CSMD1: variants seen among roughly 807,000 people sequenced by gnomAD.
CSMD1 encodes CUB and sushi domain-containing protein 1.
In CSMD1, 213 loss-of-function variants were observed where a neutral mutation model predicts 417.5. The ratio of observed to expected loss-of-function variants is 0.51; its 90% CI spans 0.46 to 0.57. The LOEUF (loss-of-function observed/expected upper bound fraction) is 0.57, where lower values mean the gene tolerates loss of function less well. Among genes scored for constraint, CSMD1 ranks in the 20% least tolerant of loss-of-function variants. CSMD1 has a pLI of 0.00. For synonymous variants in CSMD1, 2,862 were observed against 1,736.8 expected (o/e 1.65, Z -16.11); for missense variants, 6,923 against 4,529.7 (o/e 1.53, Z -15.17).
intron 2 of CSMD1, among the ~76,000 whole-genome samples, chr8:4,432,126 T>C (rs1340158982): frequency 2.6e-5 from 4 of 152,184 alleles, no homozygotes; most frequent in Non-Finnish European, 4.4e-5. Flanking sequence ...TTATATAAAA[T>C]AAATCCTTGC....
chr8:4,409,783 C>T (rs994824813), intron 3 of CSMD1, among the ~76,000 whole-genome samples: 1 of 151,708 alleles, frequency 6.6e-6, no homozygotes, highest in Non-Finnish European at 1.5e-5. Flanking sequence ...TAATATCATA[C>T]ATAATTTGGA....
At chr8:4,234,922 T>C (rs567831093) in intron 3 of CSMD1, among the ~76,000 whole-genome samples, 8 of 152,312 alleles carry the variant, frequency 5.3e-5, no homozygotes, top group South Asian at 2.1e-4. Flanking sequence ...TGTTGTCTGT[T>C]GTAACTGATG....
At chr8:4,412,926 G>C (rs1334416877) in intron 3 of CSMD1, among the ~76,000 whole-genome samples, 1 of 151,760 alleles carries the variant, frequency 6.6e-6, no homozygotes, top group Non-Finnish European at 1.5e-5. Context: ...TAAAAGAAAA[G>C]TTGACGCCTC....
intron 2 of CSMD1, among the ~76,000 whole-genome samples, chr8:4,524,979 A>AT (rs1333543093): frequency 2.6e-5 from 4 of 151,950 alleles, no homozygotes; most frequent in Admixed American, 6.6e-5. Context: ...CTTGCCACGT[A>AT]TTTTTTTTAC....
intron 27 of CSMD1, among the ~76,000 whole-genome samples, chr8:3,224,793 G>C (rs76596942): frequency 6.6e-6 from 1 of 152,182 alleles, no homozygotes; most frequent in East Asian, 1.9e-4. Context: ...AAGTATTTAG[G>C]ATTGTTTTAT....
chr8:4,213,832 T>G (rs1755123474), intron 3 of CSMD1, among the ~76,000 whole-genome samples: 1 of 152,122 alleles, frequency 6.6e-6, no homozygotes, highest in Non-Finnish European at 1.5e-5. Flanking sequence ...AAAGAGACAG[T>G]TATTGAACCC....
intron 3 of CSMD1, among the ~76,000 whole-genome samples, chr8:4,341,204 G>C (rs909205231): frequency 6.6e-6 from 1 of 152,040 alleles, no homozygotes; most frequent in Non-Finnish European, 1.5e-5. Flanking sequence ...CTGCAATGAA[G>C]GCAAGTTTCC....
intron 6 of CSMD1, among the ~76,000 whole-genome samples, chr8:3,727,553 T>C (rs1234184680): frequency 2.0e-5 from 3 of 152,194 alleles, no homozygotes; most frequent in South Asian, 2.1e-4. Context: ...AAAAACAGTA[T>C]GGAAGTTCCT....
intron 46 of CSMD1, among the ~76,000 whole-genome samples, chr8:3,101,998 C>T (rs925098152): frequency 2.0e-5 from 3 of 151,968 alleles, no homozygotes; most frequent in Admixed American, 1.3e-4. Context: ...GACAGCGTTT[C>T]ACCATGTTGG....
intron 5 of CSMD1, among the ~76,000 whole-genome samples, chr8:3,802,953 C>G (rs1182454268): frequency 6.6e-6 from 1 of 152,124 alleles, no homozygotes; most frequent in African/African-American, 2.4e-5. Context: ...TGAAAATAAT[C>G]AGCCAAAAAT....
At chr8:4,358,797 G>A (rs1409175534) in intron 3 of CSMD1, among the ~76,000 whole-genome samples, 2 of 152,106 alleles carry the variant, frequency 1.3e-5, no homozygotes, top group East Asian at 3.9e-4. Context: ...GCCAAGGCAA[G>A]GGTAAACAAG....
chr8:3,672,403 A>G (rs1799121816), intron 7 of CSMD1, among the ~76,000 whole-genome samples: 1 of 152,176 alleles, frequency 6.6e-6, no homozygotes, highest in African/African-American at 2.4e-5. Flanking sequence ...CACAGCTCAG[A>G]AAACATAAAC....
intron 26 of CSMD1, among the ~76,000 whole-genome samples, chr8:3,250,728 C>T (rs530814325): frequency 6.6e-6 from 1 of 152,216 alleles, no homozygotes; most frequent in African/African-American, 2.4e-5. Context: ...CTGTTGTTTC[C>T]TGACTTTTTA....
At chr8:3,670,150 A>G (rs1285582220) in intron 7 of CSMD1, among the ~76,000 whole-genome samples, 1 of 152,050 alleles carries the variant, frequency 6.6e-6, no homozygotes, top group African/African-American at 2.4e-5. Context: ...AAGGAGATTA[A>G]TATTTGAGTC....
At chr8:3,014,180 A>C (rs1173626120) in intron 52 of CSMD1, among the ~76,000 whole-genome samples, 1 of 133,506 alleles carries the variant, frequency 7.5e-6, no homozygotes, top group African/African-American at 2.9e-5. Context: ...CTGATCGAAG[A>C]TAGGAATAAA....
chr8:3,789,641 T>C (rs1799623789), intron 5 of CSMD1, among the ~76,000 whole-genome samples: 1 of 151,798 alleles, frequency 6.6e-6, no homozygotes, highest in South Asian at 2.1e-4. Flanking sequence ...TAAAAAATAA[T>C]AGTGAAAACC....
Position 3,807,537 on chromosome 8 carries a change from A to G in CSMD1, c.819-53495T>C, listed in dbSNP as rs571612545. 7.2e-5 allele frequency among the ~76,000 whole-genome samples: 11 copies of G among 152,326 alleles called. No homozygotes were observed. In the South Asian group the frequency reaches 2.3e-3, roughly 32 times the overall value. On this transcript the variant is annotated intron_variant, in intron 5 of 69. Coordinates refer to ENST00000635120, the MANE Select transcript of CSMD1 (RefSeq NM_033225.6). Reference sequence around the variant, plus strand: ...GGCAGAGCTTCAACAGATACTAATGATATGTTAATTAGTTAATTGCACATT... The same window carrying G: ...GGCAGAGCTTCAACAGATACTAATGGTATGTTAATTAGTTAATTGCACATT...
intron 3 of CSMD1, among the ~76,000 whole-genome samples, chr8:4,304,546 G>A (rs183032938): frequency 1.2e-3 from 181 of 152,240 alleles, no homozygotes; most frequent in African/African-American, 4.2e-3. Context: ...CTAGCTCATC[G>A]TGATAATCAA....
rs556441324 is a variant in CSMD1 at position 4,735,088 on chromosome 8, A to C, written c.86-97530T>G. Among the ~76,000 whole-genome samples the C allele has an allele frequency of 1.4e-3, 212 of 152,328 alleles. 7 individuals carry two copies. In the South Asian group the frequency reaches 0.041, roughly 29 times the overall value. The stretch of plus-strand genomic sequence containing the variant: ...AAATTGCTGCTCGTTAAAATTTGGG[A>C]AAGTTTCCGCAGGGAAGAGCAAAAG... On this transcript the variant is annotated intron_variant, in intron 1 of 69. Coordinates refer to ENST00000635120, the MANE Select transcript of CSMD1 (RefSeq NM_033225.6).
Sources: allele counts gnomAD v4.1 joint callset (sites outside exome capture counted in the v4.1 genomes callset), GRCh38; gene constraint gnomAD v4.1.1; transcripts MANE v1.5; gene names NCBI Gene and HGNC (gene_info 2026-07-23, HGNC 2026-07-21).